The following FYB1 variants were observed in gnomAD, a reference collection of about 807,000 sequenced individuals.
FYB1 encodes FYN binding protein 1.
Under a neutral mutation model 94.1 loss-of-function variants are expected in FYB1, and 41 were observed. The observed-to-expected ratio is 0.44, with a 90% CI of 0.34 to 0.57. FYB1 has a LOEUF of 0.57. FYB1 is among the 20% of genes least tolerant of loss of function. The pLI is 0.02. For synonymous variants in FYB1, 367 were observed against 353.2 expected (o/e 1.04, Z -0.44); for missense variants, 1,050 against 976.8 (o/e 1.07, Z -1.00).
chr5:39,261,485 G>A (rs1752215069), intron 1 of FYB1, among the ~76,000 whole-genome samples: 2 of 152,154 alleles, frequency 1.3e-5, no homozygotes, highest in East Asian at 3.9e-4. Context: ...AGTGGCTCAC[G>A]CCTGTACTCC....
At chr5:39,147,462 G>GTA (rs1353846509) in intron 3 of FYB1, among the ~76,000 whole-genome samples, 1 of 104,052 alleles carries the variant, frequency 9.6e-6, no homozygotes, top group East Asian at 2.0e-4. Flanking sequence ...CTGTGTGTGT[G>GTA]TGTGTGTGTG....
chr5:39,217,025 G>T (rs1749922025), intron 1 of FYB1, among the ~76,000 whole-genome samples: 1 of 152,194 alleles, frequency 6.6e-6, no homozygotes, highest in South Asian at 2.1e-4. Flanking sequence ...ACCAGCTTCT[G>T]ATGGGGAAAT....
intron 1 of FYB1, among the ~76,000 whole-genome samples, chr5:39,261,314 A>G (rs796822284): frequency 6.9e-6 from 1 of 144,628 alleles, no homozygotes; most frequent in African/African-American, 2.6e-5. Context: ...TTAAAAAAAA[A>G]AAAAAGAACG....
upstream of FYB1, among the ~76,000 whole-genome samples, chr5:39,222,768 T>A (rs1288166709): frequency 1.3e-5 from 2 of 152,194 alleles, no homozygotes; most frequent in Non-Finnish European, 2.9e-5. Flanking sequence ...TATTACATAA[T>A]AATAAACACC....
chr5:39,211,768 C>T (rs950917875), intron 1 of FYB1, among the ~76,000 whole-genome samples: 9 of 152,158 alleles, frequency 5.9e-5, no homozygotes, highest in African/African-American at 1.4e-4. Flanking sequence ...CCTCAGCCTT[C>T]GTGTCACTCC....
intron 1 of FYB1, among the ~76,000 whole-genome samples, chr5:39,250,961 A>G (rs1176532360): frequency 6.6e-6 from 1 of 152,228 alleles, no homozygotes; most frequent in Non-Finnish European, 1.5e-5. Flanking sequence ...TAACATCTTT[A>G]AGATGGAATC....
In FYB1 at chr5:39,188,636, C is replaced by T. The variant is rs1054503948; in HGVS notation, c.1135+13190G>A. Among the ~76,000 whole-genome samples, 8 of 151,554 alleles carry T rather than the reference C, an allele frequency of 5.3e-5. No individual in the cohort carries two copies. In the South Asian group the frequency reaches 8.4e-4, roughly 16 times the overall value. On this transcript the variant is annotated intron_variant, in intron 2 of 18. Coordinates refer to ENST00000512982, the MANE Select transcript of FYB1 (RefSeq NM_001465.6). The stretch of plus-strand genomic sequence containing the variant: ...CTTGGCTCACTGCAACCTCCGCCTC[C>T]GGGGTTCAAGTGACTTTCCCAAGTA...
chr5:39,135,741 A>G (rs1342773440), intron 7 of FYB1, among the ~76,000 whole-genome samples: 1 of 152,194 alleles, frequency 6.6e-6, no homozygotes, highest in Admixed American at 6.5e-5. Flanking sequence ...TATCATTATC[A>G]TGTACCACTA....
upstream of FYB1, among the ~76,000 whole-genome samples, chr5:39,223,212 C>T (rs1246177127): frequency 1.3e-5 from 2 of 152,106 alleles, no homozygotes; most frequent in Non-Finnish European, 2.9e-5. Flanking sequence ...TGGCTACAGG[C>T]AACCAATTTT....
chr5:39,111,704 CAT>C (rs1409649274), intron 16 of FYB1, among the ~76,000 whole-genome samples: 1 of 151,746 alleles, frequency 6.6e-6, no homozygotes, highest in African/African-American at 2.4e-5. Context: ...AATAATGAGA[CAT>C]GTGCCAAGAT....
intron 2 of FYB1, among the ~76,000 whole-genome samples, chr5:39,197,535 C>T (rs1397043468): frequency 6.6e-6 from 1 of 152,246 alleles, no homozygotes; most frequent in Non-Finnish European, 1.5e-5. Flanking sequence ...TGTGGCCAAT[C>T]ATAATCCAGA....
chr5:39,272,797 A>C (rs898675588), intron 1 of FYB1, among the ~76,000 whole-genome samples: 2 of 152,116 alleles, frequency 1.3e-5, no homozygotes, highest in Non-Finnish European at 2.9e-5. Context: ...TTAACAGTGT[A>C]ATTTATTGGG....
chr5:39,258,726 G>T (rs1752082958), intron 1 of FYB1, among the ~76,000 whole-genome samples: 1 of 152,098 alleles, frequency 6.6e-6, no homozygotes, highest in Non-Finnish European at 1.5e-5. Flanking sequence ...GAAAGCTTTT[G>T]GCTCTCTCAC....
intron 2 of FYB1, among the ~76,000 whole-genome samples, chr5:39,193,972 A>G (rs1251527424): frequency 6.6e-6 from 1 of 151,580 alleles, no homozygotes; most frequent in Non-Finnish European, 1.5e-5. Context: ...TCCATCAGCC[A>G]GATCAAAAGA....
At chr5:39,190,784 G>GTGTA (rs1747281490) in intron 2 of FYB1, among the ~76,000 whole-genome samples, 1 of 151,728 alleles carries the variant, frequency 6.6e-6, no homozygotes, top group Non-Finnish European at 1.5e-5. Flanking sequence ...GTGTGTGTGT[G>GTGTA]TGTGTGTGAG....
chr5:39,112,901 G>T (rs1739200270), intron 16 of FYB1, among the ~76,000 whole-genome samples: 1 of 152,070 alleles, frequency 6.6e-6, no homozygotes. Context: ...CAATAATTGG[G>T]ACTATTATTT....
intron 3 of FYB1, among the ~76,000 whole-genome samples, chr5:39,150,771 C>T (rs567420116): frequency 6.6e-6 from 1 of 152,298 alleles, no homozygotes; most frequent in East Asian, 1.9e-4. Flanking sequence ...CTCCACTGTT[C>T]CCATCATGGT....
At chr5:39,112,565 G>A (rs75174127) in intron 16 of FYB1, among the ~76,000 whole-genome samples, 3,056 of 152,094 alleles carry the variant, frequency 0.02, 38 homozygotes, top group Non-Finnish European at 0.027. Context: ...ACCATTTTTA[G>A]AAATTAAAGA....
At chr5:39,254,962 A>G (rs967751200) in intron 1 of FYB1, among the ~76,000 whole-genome samples, 3 of 152,216 alleles carry the variant, frequency 2.0e-5, no homozygotes, top group Non-Finnish European at 2.9e-5. Context: ...AAAGGCAGAA[A>G]TGGAAAGGCC....
Sources: allele counts gnomAD v4.1 joint callset (sites outside exome capture counted in the v4.1 genomes callset), GRCh38; gene constraint gnomAD v4.1.1; transcripts MANE v1.5; gene names NCBI Gene and HGNC (gene_info 2026-07-23, HGNC 2026-07-21).